Variants in PSD3 observed in about 807,000 individuals in gnomAD.
PSD3 encodes PH and SEC7 domain-containing protein 3.
A neutral mutation model predicts 105.5 loss-of-function variants in PSD3; 49 were observed. The ratio of observed to expected loss-of-function variants is 0.46; its 90% CI spans 0.37 to 0.59. PSD3 has a LOEUF of 0.59. Among genes scored for constraint, PSD3 ranks in the 20% least tolerant of loss-of-function variants. PSD3 has a pLI of 0.00. For synonymous variants in PSD3, 557 were observed against 457.8 expected (o/e 1.22, Z -2.77); for missense variants, 1,561 against 1,263.8 (o/e 1.24, Z -3.57).
At chr8:18,746,833 G>C (rs548187441) in intron 9 of PSD3, among the ~76,000 whole-genome samples, 1 of 152,138 alleles carries the variant, frequency 6.6e-6, no homozygotes, top group Non-Finnish European at 1.5e-5. Context: ...GGACTGGTTG[G>C]TCTTAATTAT....
intron 9 of PSD3, among the ~76,000 whole-genome samples, chr8:18,718,646 T>C (rs13254772): frequency 0.71 from 108,583 of 152,054 alleles, 42,080 homozygotes; most frequent in Non-Finnish European, 0.89. Context: ...CTTTTGAACA[T>C]AGCACTCTCC....
rs367703946 is a variant in PSD3 at position 18,804,625 on chromosome 8, T to C, written c.1830-23A>G. On this transcript the variant is annotated intron_variant, in intron 5 of 15. Coordinates refer to ENST00000327040, the MANE Select transcript of PSD3 (RefSeq NM_015310.4). Reference sequence around the variant, plus strand: ...TTGCTATAAGAAAACAGAATAGACTTGGTTATTGAAAGGTAAACTATTTAA... The same window carrying C: ...TTGCTATAAGAAAACAGAATAGACTCGGTTATTGAAAGGTAAACTATTTAA... The C allele has an allele frequency of 9.9e-6, 16 of 1,611,162 alleles. No homozygotes were observed. The African/African-American group carries it at 1.1e-4, about 11-fold the overall frequency.
In PSD3 at chr8:18,804,853, C is replaced by T; in HGVS notation, c.1680G>A (p.Met560Ile). 1 of 1,613,190 alleles carries T rather than the reference C, an allele frequency of 6.2e-7. No homozygotes were observed. The highest frequency in any genetic ancestry group is 2.2e-5 in the East Asian group (1 of 44,882). ...KTTRLEAHSE[M>I]GSTEILEKET... Reference sequence around the variant, plus strand: ...CCTTTTCCAAAATTTCAGTGCTCCCCATTTCAGAATGAGCTTCTAGCCGTG... The same window carrying T: ...CCTTTTCCAAAATTTCAGTGCTCCCTATTTCAGAATGAGCTTCTAGCCGTG... The change falls in exon 5 of 16, where the codon ATG (methionine) becomes ATA (isoleucine). Residue 560 changes from methionine to isoleucine, a missense_variant. Physicochemically the swap from Met to Ile is conservative, Grantham distance 10. Coordinates refer to ENST00000327040, the MANE Select transcript of PSD3 (RefSeq NM_015310.4).
rs375571596 is a variant in PSD3, at chr8:18,667,947, G to C, written c.2173-12262C>G. On this transcript the variant is annotated intron_variant, in intron 9 of 15. Coordinates refer to ENST00000327040, the MANE Select transcript of PSD3 (RefSeq NM_015310.4). ...CCAGTTACTAAGCCCCTCACTGCCCGAGGCCAGCGGCACCGGCCGGCCGCT... is the reference window on the plus strand; with the variant it reads ...CCAGTTACTAAGCCCCTCACTGCCCCAGGCCAGCGGCACCGGCCGGCCGCT... 2.6e-5 allele frequency among the ~76,000 whole-genome samples: 4 copies of C among 152,226 alleles called. No homozygotes were observed. The East Asian group carries it at 7.7e-4, about 29-fold the overall frequency.
chr8:19,012,582 T>G (rs1446551048), intron 1 of PSD3, among the ~76,000 whole-genome samples: 1 of 152,204 alleles, frequency 6.6e-6, no homozygotes, highest in East Asian at 1.9e-4. Context: ...AAGCTTCCTC[T>G]GAGATCCTCC....
rs1235474030 is a variant in PSD3 at position 18,753,291 on chromosome 8, T to C, written c.2172+12158A>G. On this transcript the variant is annotated intron_variant, in intron 9 of 15. Transcript: ENST00000327040. ...ATCACTCGAACCCAGGAGGTGGAAG[T>C]TGCAGTGAGCCGAGATCATGCCACT... Among the ~76,000 whole-genome samples, 9 of 151,700 alleles carry C rather than the reference T, an allele frequency of 5.9e-5. No individual in the cohort carries two copies. In the South Asian group the frequency reaches 1.9e-3, roughly 32 times the overall value.
chr8:18,976,293 G>C (rs1245856982), intron 1 of PSD3, among the ~76,000 whole-genome samples: 2 of 152,044 alleles, frequency 1.3e-5, no homozygotes, highest in Non-Finnish European at 2.9e-5. Context: ...GCCCAATAAA[G>C]ATACATTGTA....
intron 12 of PSD3, among the ~76,000 whole-genome samples, chr8:18,581,549 G>A (rs1306498684): frequency 6.6e-6 from 1 of 152,170 alleles, no homozygotes; most frequent in African/African-American, 2.4e-5. Flanking sequence ...CCCTATGCTG[G>A]TGTTGTATAT....
intron 9 of PSD3, among the ~76,000 whole-genome samples, chr8:18,729,554 C>G (rs1803575797): frequency 1.3e-5 from 2 of 152,138 alleles, no homozygotes; most frequent in East Asian, 3.8e-4. Context: ...AAACAAAAGT[C>G]AAAGCTCCTA....
chr8:19,023,522 G>C (rs550246286), intron 1 of PSD3, among the ~76,000 whole-genome samples: 24 of 151,908 alleles, frequency 1.6e-4, no homozygotes, highest in Non-Finnish European at 2.8e-4. Context: ...TTGACCTCCT[G>C]TGGACTCAAG....
chr8:18,692,382 T>C (rs190580422), intron 9 of PSD3, among the ~76,000 whole-genome samples: 87 of 152,166 alleles, frequency 5.7e-4, no homozygotes, highest in Non-Finnish European at 9.3e-4. Flanking sequence ...CTGACAGCAA[T>C]TGGAATGGGC....
chr8:18,535,437 C>T lies in PSD3; in HGVS notation c.*306G>A. ...GTTGATATGAGAATACATAAAACAA[C>T]TGAGCAGACTGCAAACAAGAGAAAA... On this transcript the variant is annotated 3_prime_UTR_variant, in exon 16 of 16. Coordinates refer to ENST00000327040, the MANE Select transcript of PSD3 (RefSeq NM_015310.4). 1 of 346,308 alleles carries T rather than the reference C, an allele frequency of 2.9e-6. No homozygotes were observed. The highest frequency in any genetic ancestry group is 5.5e-5 in the East Asian group (1 of 18,216). 21.5% of individuals were successfully genotyped at this position (346,308 alleles called of 1,614,324 possible).
chr8:18,618,604 C>T (rs936075009), intron 11 of PSD3, among the ~76,000 whole-genome samples: 6 of 141,034 alleles, frequency 4.3e-5, no homozygotes, highest in African/African-American at 1.5e-4. Flanking sequence ...TGGATTCCTT[C>T]TATGTACCAG....
At chr8:18,974,167 G>A (rs1824800920) in intron 1 of PSD3, among the ~76,000 whole-genome samples, 1 of 152,170 alleles carries the variant, frequency 6.6e-6, no homozygotes, top group African/African-American at 2.4e-5. Flanking sequence ...TAGATTGTCA[G>A]AGTTAATCTT....
intron 1 of PSD3, among the ~76,000 whole-genome samples, chr8:19,081,547 C>T (rs1410632935): frequency 6.6e-6 from 1 of 152,216 alleles, no homozygotes; most frequent in Non-Finnish European, 1.5e-5. Flanking sequence ...GTGATAATAA[C>T]ATACATCCTT....
At chr8:18,865,486 CT>C (rs1368083857) in intron 4 of PSD3, among the ~76,000 whole-genome samples, 1 of 151,422 alleles carries the variant, frequency 6.6e-6, no homozygotes, top group African/African-American at 2.4e-5. Context: ...TAAACCTGCC[CT>C]ACCTTTTAAC....
At chr8:18,748,038 G>T (rs1263251439) in intron 9 of PSD3, among the ~76,000 whole-genome samples, 2 of 152,100 alleles carry the variant, frequency 1.3e-5, no homozygotes, top group Non-Finnish European at 2.9e-5. Context: ...AAGTGAAATT[G>T]CTGATCTCTC....
chr8:18,660,113 G>C (rs1809235917), intron 9 of PSD3, among the ~76,000 whole-genome samples: 1 of 152,166 alleles, frequency 6.6e-6, no homozygotes, highest in Non-Finnish European at 1.5e-5. Context: ...TTAAAGATGT[G>C]ATTAAGTTAA....
At position 18,843,975 on chromosome 8, in the gene PSD3, T is replaced by C. The variant is rs1425526805; in HGVS notation, c.1634+23699A>G. Among the ~76,000 whole-genome samples, 6 of 151,320 alleles carry C rather than the reference T, an allele frequency of 4.0e-5. No homozygotes were observed. In the East Asian group the frequency reaches 1.2e-3, roughly 29 times the overall value. ...GTCAGGAAATGGGCAAGCTGGGCTA[T>C]GAAGACAAATATCCTGATTTAAAAA... On this transcript the variant is annotated intron_variant, in intron 4 of 15. Transcript: ENST00000327040.
Sources: allele counts gnomAD v4.1 joint callset (sites outside exome capture counted in the v4.1 genomes callset), GRCh38; gene constraint gnomAD v4.1.1; transcripts MANE v1.5; gene names NCBI Gene and HGNC (gene_info 2026-07-23, HGNC 2026-07-21).